FAM210B: variants seen among roughly 807,000 people sequenced by gnomAD.
FAM210B encodes mitochondrial inner membrane scaffold 2.
Under a neutral mutation model 14.9 loss-of-function variants are expected in FAM210B, and 11 were observed. The observed-to-expected ratio is 0.74, with a 90% CI of 0.46 to 1.22. The LOEUF (loss-of-function observed/expected upper bound fraction) is 1.22. Ranked by LOEUF, FAM210B falls within the 50% of genes most tolerant of loss-of-function variation. FAM210B has a pLI of 0.00. For missense variants in FAM210B, 229 were observed against 250.1 expected (o/e 0.92, Z 0.57); for synonymous variants, 113 against 110.2 (o/e 1.03, Z -0.16).
Position 56,359,043 on chromosome 20 carries a change from G to A in FAM210B, c.38G>A (p.Arg13Lys). Residue 13 changes from arginine (R) to lysine (K), a missense_variant, in exon 1 of 3, where the codon AGG becomes AAG. This residue lies in a region of FAM210B where 144 missense variants were observed against 132.5 expected (regional missense o/e 1.09). Transcript: ENST00000371384. This position sits in a 1 kb window ranked among gnomAD's most constrained non-coding sequence, Gnocchi z 4.3. ...GLLALLGPAG[R>K]VGARVRPRAT... is the part of the protein sequence containing the mutation. ...CTGGCGTTGCTGGGTCCGGCAGGCA[G>A]GGTGGGCGCCCGGGTCCGGCCTCGC... 9 of 1,351,400 alleles carry A rather than the reference G, an allele frequency of 6.7e-6. No individual in the cohort carries two copies. The highest frequency in any genetic ancestry group is 8.6e-6 in the Non-Finnish European group (9 of 1,046,084). 83.7% of individuals were successfully genotyped at this position (1,351,400 alleles called of 1,614,324 possible).
In FAM210B at chr20:56,366,976, A is replaced by G. The variant is rs1983649595; in HGVS notation, c.*689A>G. 6.6e-6 allele frequency: 1 copy of G among 152,396 alleles called. No homozygotes were observed. The highest frequency in any genetic ancestry group is 6.5e-5 in the Admixed American group (1 of 15,280). The allele number at this position is 152,396 out of a possible 1,614,324, so 9.4% of individuals were successfully genotyped here. On this transcript the variant is annotated 3_prime_UTR_variant, in exon 3 of 3. Transcript: ENST00000371384. ...ATTTGTCTCTGTTTAGGTAAAATAT[A>G]AAAACCCTGCCCAGTAGCAGTGGCA...
rs948912871 is a variant in FAM210B, at chr20:56,362,317, G to A, written c.187-2770G>A. On this transcript the variant is annotated intron_variant, in intron 1 of 2. Coordinates refer to ENST00000371384, the MANE Select transcript of FAM210B (RefSeq NM_080821.3). The surrounding 1 kb of genome is among the most constrained non-coding windows in gnomAD (Gnocchi z 4.8). Reference sequence around the variant, plus strand: ...TAAAAAATGTTGGGGAGAGGCAGAAGGGGCATCTCACACACACACTGTCTC... The same window carrying A: ...TAAAAAATGTTGGGGAGAGGCAGAAAGGGCATCTCACACACACACTGTCTC... Among the ~76,000 whole-genome samples the A allele has an allele frequency of 2.8e-5, 4 of 142,032 alleles. No individual in the cohort carries two copies. The highest frequency in any genetic ancestry group is 1.1e-4 in the African/African-American group (4 of 35,022). The allele number at this position is 142,032 out of a possible 152,430, so 93.2% of individuals were successfully genotyped here.
At position 56,363,043 on chromosome 20, in the gene FAM210B, G is replaced by A. The variant is rs891992693; in HGVS notation, c.187-2044G>A. Among the ~76,000 whole-genome samples the A allele has an allele frequency of 5.3e-4, 80 of 152,340 alleles. No homozygotes were observed. Among genetic ancestry groups the A allele is most frequent in the African/African-American group, 1.9e-3 (77 of 41,580 alleles). Reference sequence around the variant, plus strand: ...ATGCCCTCCACAGCCATCCTGGCCGGGGGTGGCAGGACTAGTCAGAAGGCT... The same window carrying A: ...ATGCCCTCCACAGCCATCCTGGCCGAGGGTGGCAGGACTAGTCAGAAGGCT... On this transcript the variant is annotated intron_variant, in intron 1 of 2. Transcript: ENST00000371384. This position sits in a 1 kb window ranked among gnomAD's most constrained non-coding sequence, Gnocchi z 4.1.
chr20:56,359,033 C>A lies in FAM210B; in HGVS notation c.28C>A (p.Pro10Thr), dbSNP rs1277618470. Residue 10 changes from proline (P) to threonine (T), a missense_variant, in exon 1 of 3, where the codon CCG becomes ACG. Coordinates refer to ENST00000371384, the MANE Select transcript of FAM210B (RefSeq NM_080821.3). The surrounding 1 kb of genome is among the most constrained non-coding windows in gnomAD (Gnocchi z 4.3). ...GGCCGGGTTGCTGGCGTTGCTGGGTCCGGCAGGCAGGGTGGGCGCCCGGGT... is the reference window on the plus strand; with the variant it reads ...GGCCGGGTTGCTGGCGTTGCTGGGTACGGCAGGCAGGGTGGGCGCCCGGGT... MAGLLALLG[P>T]AGRVGARVRP... is the part of the protein sequence containing the mutation. 2 of 1,347,434 alleles carry A rather than the reference C, an allele frequency of 1.5e-6. No individual in the cohort carries two copies. The highest frequency in any genetic ancestry group is 1.5e-5 in the African/African-American group (1 of 65,376). 83.5% of individuals were successfully genotyped at this position (1,347,434 alleles called of 1,614,324 possible).
At chr20:56,361,218 A>G (rs987440162) in intron 1 of FAM210B, among the ~76,000 whole-genome samples, 5 of 152,142 alleles carry the variant, frequency 3.3e-5, no homozygotes, top group Non-Finnish European at 7.3e-5. Flanking sequence ...TTCTGGTTCC[A>G]GTGGCACCTT....
At position 56,366,397 on chromosome 20, in the gene FAM210B, A is replaced by C; in HGVS notation, c.*110A>C. On this transcript the variant is annotated 3_prime_UTR_variant, in exon 3 of 3. Transcript: ENST00000371384. ...GTTTCTTTTGGAGAGGTAGGGGGCT[A>C]ATTGCTATGTTCTCATGGATAAACT... is the stretch of plus-strand genomic sequence containing the variant. 1 of 964,892 alleles carries C rather than the reference A, an allele frequency of 1.0e-6. No individual in the cohort carries two copies. The allele number at this position is 964,892 out of a possible 1,614,324, so 59.8% of individuals were successfully genotyped here. A position where few individuals can be genotyped will look rare whatever the true frequency, so the allele number is the denominator to read the frequency against.
rs961599078 is a variant in FAM210B at position 56,368,024 on chromosome 20, A to C, written c.*1737A>C. On this transcript the variant is annotated 3_prime_UTR_variant, in exon 3 of 3. Transcript: ENST00000371384. ...TGGTTGACCCACAGCTACCCATGTC[A>C]GTTATCTCCACTAACATATCCAAGA... 1 of 152,556 alleles carries C rather than the reference A, an allele frequency of 6.6e-6. No individual in the cohort carries two copies. Among genetic ancestry groups the C allele is most frequent in the Admixed American group, 6.5e-5 (1 of 15,284 alleles). The allele number at this position is 152,556 out of a possible 1,614,324, so 9.5% of individuals were successfully genotyped here. A position where few individuals can be genotyped will look rare whatever the true frequency, so the allele number is the denominator to read the frequency against.
In FAM210B at chr20:56,365,129, T is replaced by C. The variant is rs1983603514; in HGVS notation, c.229T>C (p.Cys77Arg). The C allele has an allele frequency of 1.9e-6, 3 of 1,613,868 alleles. No homozygotes were observed. Among genetic ancestry groups the C allele is most frequent in the Non-Finnish European group, 2.5e-6 (3 of 1,180,042 alleles). ...ATGTTGSSVSCTEEKKQSKSQ... is the reference protein window; with the variant it reads ...ATGTTGSSVSRTEEKKQSKSQ... ...GGGGACAACAGGCAGCAGCGTCAGC[T>C]GCACAGAGGAGAAAAAGCAAAGCAA... Residue 77 changes from cysteine to arginine, a missense_variant, in exon 2 of 3, where the codon TGC becomes CGC. Cys to Arg is a radical substitution (Grantham distance 180). This residue lies in a region of FAM210B where 144 missense variants were observed against 132.5 expected (regional missense o/e 1.09). Coordinates refer to ENST00000371384, the MANE Select transcript of FAM210B (RefSeq NM_080821.3).
At position 56,362,589 on chromosome 20, in the gene FAM210B, G is replaced by A. The variant is rs936264116; in HGVS notation, c.187-2498G>A. On this transcript the variant is annotated intron_variant, in intron 1 of 2. Coordinates refer to ENST00000371384, the MANE Select transcript of FAM210B (RefSeq NM_080821.3). This position sits in a 1 kb window ranked among gnomAD's most constrained non-coding sequence, Gnocchi z 4.8. ...GCGTGGCTCACAGTGCTTATAGATG[G>A]GTGTTTTTATCAAAACAAAAGGAAT... Among the ~76,000 whole-genome samples, 1 of 152,136 alleles carries A rather than the reference G, an allele frequency of 6.6e-6. No individual in the cohort carries two copies. Among genetic ancestry groups the A allele is most frequent in the African/African-American group, 2.4e-5 (1 of 41,414 alleles).
Position 56,363,766 on chromosome 20 carries a change from G to A in FAM210B, c.187-1321G>A, listed in dbSNP as rs1347593981. ...CCTGGTAGGGCACTGTGCAAAAATC[G>A]CCCCCACTTTGTGTGTTTCAGATGT... On this transcript the variant is annotated intron_variant, in intron 1 of 2. Transcript: ENST00000371384. This position sits in a 1 kb window ranked among gnomAD's most constrained non-coding sequence, Gnocchi z 4.1. 6.6e-6 allele frequency among the ~76,000 whole-genome samples: 1 copy of A among 152,110 alleles called. No homozygotes were observed. Among genetic ancestry groups the A allele is most frequent in the Admixed American group, 6.5e-5 (1 of 15,272 alleles).
chr20:56,362,347 ACACT>A lies in FAM210B; in HGVS notation c.187-2738_187-2735del, dbSNP rs1419362463. ...ATCTCACACACACACTGTCTCACAC[ACACT>A]CTCACACACATGTGCATGCATGCTG... On this transcript the variant is annotated intron_variant, in intron 1 of 2. Transcript: ENST00000371384. The surrounding 1 kb of genome is among the most constrained non-coding windows in gnomAD (Gnocchi z 4.8). Among the ~76,000 whole-genome samples, 1 of 151,746 alleles carries A rather than the reference ACACT, an allele frequency of 6.6e-6. No individual in the cohort carries two copies. Among genetic ancestry groups the A allele is most frequent in the Non-Finnish European group, 1.5e-5 (1 of 67,982 alleles).
At chr20:56,365,793 G>T (rs113325924) in intron 2 of FAM210B, among the ~76,000 whole-genome samples, 4 of 151,952 alleles carry the variant, frequency 2.6e-5, no homozygotes, top group African/African-American at 4.8e-5. Flanking sequence ...GTGAGCCCCC[G>T]CGTCAGGCCG....
chr20:56,359,160 G>A lies in FAM210B; in HGVS notation c.155G>A (p.Arg52His). The A allele has an allele frequency of 4.0e-6, 5 of 1,241,506 alleles. No homozygotes were observed. The highest frequency in any genetic ancestry group is 3.8e-5 in the South Asian group (1 of 26,216). 76.9% of individuals were successfully genotyped at this position (1,241,506 alleles called of 1,614,324 possible). ...LPPRLDARLL[R>H]TARGDCRGHQ... Reference sequence around the variant, plus strand: ...CCCAGGCTAGACGCCCGGCTGCTCCGCACGGCGCGCGGGGACTGCCGCGGC... The same window carrying A: ...CCCAGGCTAGACGCCCGGCTGCTCCACACGGCGCGCGGGGACTGCCGCGGC... The change falls in exon 1 of 3, where the codon CGC becomes CAC. Residue 52 changes from arginine to histidine, a missense_variant. Transcript: ENST00000371384. This position sits in a 1 kb window ranked among gnomAD's most constrained non-coding sequence, Gnocchi z 4.3.
In FAM210B at chr20:56,359,322, C is replaced by T; in HGVS notation, c.186+131C>T. The T allele has an allele frequency of 1.1e-6, 1 of 940,782 alleles. No homozygotes were observed. Among genetic ancestry groups the T allele is most frequent in the Non-Finnish European group, 1.4e-6 (1 of 732,394 alleles). The allele number at this position is 940,782 out of a possible 1,614,324, so 58.3% of individuals were successfully genotyped here. A position where few individuals can be genotyped will look rare whatever the true frequency, so the allele number is the denominator to read the frequency against. On this transcript the variant is annotated intron_variant, in intron 1 of 2. Transcript: ENST00000371384. This position sits in a 1 kb window ranked among gnomAD's most constrained non-coding sequence, Gnocchi z 4.3. ...TGTAGCTGCCCGGGACCGAGCTCTT[C>T]CAGGGTCCCCGAAACCCCAAATCCC...
intron 1 of FAM210B, chr20:56,360,038 G>T (rs1983500577): frequency 2.8e-6 from 1 of 355,492 alleles, no homozygotes; most frequent in Non-Finnish European, 5.7e-6. Flanking sequence ...TCCATGAGCT[G>T]GTGCAGGCCT....
In FAM210B at chr20:56,362,908, C is replaced by G. The variant is rs972635464; in HGVS notation, c.187-2179C>G. On this transcript the variant is annotated intron_variant, in intron 1 of 2. Transcript: ENST00000371384. The surrounding 1 kb of genome is among the most constrained non-coding windows in gnomAD (Gnocchi z 4.8). ...TCAAGGGCATGGGTGTTTGGCCCTG[C>G]GAGGGGCTGTAGGTGGCCTCCTATC... Among the ~76,000 whole-genome samples, 2 of 152,220 alleles carry G rather than the reference C, an allele frequency of 1.3e-5. No homozygotes were observed. The highest frequency in any genetic ancestry group is 4.8e-5 in the African/African-American group (2 of 41,468).
chr20:56,359,039 G>A lies in FAM210B; in HGVS notation c.34G>A (p.Gly12Ser). Residue 12 changes from glycine (G) to serine (S), a missense_variant, in exon 1 of 3, where the codon GGC becomes AGC. Gly to Ser is a moderately conservative substitution (Grantham distance 56, BLOSUM62 0). Around this residue, in one of 3 missense-constraint regions of FAM210B, gnomAD observed 144 missense variants for 132.5 expected, o/e 1.09. Coordinates refer to ENST00000371384, the MANE Select transcript of FAM210B (RefSeq NM_080821.3). This position sits in a 1 kb window ranked among gnomAD's most constrained non-coding sequence, Gnocchi z 4.3. Reference protein sequence around the residue: ...AGLLALLGPAGRVGARVRPRA... With the variant: ...AGLLALLGPASRVGARVRPRA... ...GTTGCTGGCGTTGCTGGGTCCGGCA[G>A]GCAGGGTGGGCGCCCGGGTCCGGCC... 1.5e-6 allele frequency: 2 copies of A among 1,350,146 alleles called. No individual in the cohort carries two copies. The highest frequency in any genetic ancestry group is 2.8e-4 in the Middle Eastern group (1 of 3,576). The allele number at this position is 1,350,146 out of a possible 1,614,324, so 83.6% of individuals were successfully genotyped here.
chr20:56,361,485 CAT>C (rs1183968842), intron 1 of FAM210B, among the ~76,000 whole-genome samples: 6 of 152,112 alleles, frequency 3.9e-5, no homozygotes, highest in Non-Finnish European at 8.8e-5. Context: ...CGAGGAGTAA[CAT>C]AGCATGGTTG....
rs779062427 is a variant in FAM210B at position 56,366,216 on chromosome 20, G to C, written c.508G>C (p.Val170Leu). The C allele has an allele frequency of 6.2e-7, 1 of 1,614,196 alleles. No individual in the cohort carries two copies. The highest frequency in any genetic ancestry group is 1.1e-5 in the South Asian group (1 of 91,088). Residue 170 changes from valine to leucine, a missense_variant, in exon 3 of 3, where the codon GTC (valine) becomes CTC (leucine). By Grantham distance (32) the Val-to-Leu change is conservative (BLOSUM62 1). Around this residue, in one of 3 missense-constraint regions of FAM210B, gnomAD observed 53 missense variants for 55.4 expected, o/e 0.96. Coordinates refer to ENST00000371384, the MANE Select transcript of FAM210B (RefSeq NM_080821.3). Reference protein sequence around the residue: ...FAPVRISITLVSVPLIVRYFR... With the variant: ...FAPVRISITLLSVPLIVRYFR... ...GCCAGTGAGAATCAGCATTACGCTA[G>C]TCTCTGTGCCCTTGATTGTCAGATA...
Sources: gnomAD v4.1 joint callset for allele counts (sites outside exome capture counted in the v4.1 genomes callset) on GRCh38, gnomAD v4.1.1 for gene constraint, gnomAD v4.1.1 regional missense constraint, Gnocchi (gnomAD v3.1) non-coding constraint, MANE v1.5 for transcripts, NCBI Gene and HGNC (gene_info 2026-07-23, HGNC 2026-07-21) for gene names.